Variants in IQCJ observed in about 807,000 individuals in gnomAD.
IQCJ encodes the protein IQ motif containing J.
IQCJ carries 9 observed loss-of-function variants against 11.0 expected under a neutral mutation model. That is an observed-to-expected ratio of 0.82 (90% CI 0.49 to 1.43). The LOEUF is 1.43. Ranked by LOEUF, IQCJ falls within the 40% of genes most tolerant of loss-of-function variation. The probability of loss-of-function intolerance (pLI) is 0.00; values close to 1 mark genes in which losing one functional copy is unlikely to be tolerated. For missense variants in IQCJ, 146 were observed against 133.2 expected (o/e 1.10, Z -0.47); for synonymous variants, 55 against 51.3 (o/e 1.07, Z -0.31).
At chr3:159,213,977 C>T (rs1725086485) in intron 1 of IQCJ, among the ~76,000 whole-genome samples, 1 of 152,098 alleles carries the variant, frequency 6.6e-6, no homozygotes, top group Non-Finnish European at 1.5e-5. Flanking sequence ...TGTTCATGTT[C>T]CTCAAAGTTT....
rs1021324425 is a variant in IQCJ, at chr3:159,118,481, C to T, written c.9+49040C>T. ...ACTTTTATAAACATCTTACATGTAT[C>T]GGCTCATAAAATCTCCAAAAACCTA... On this transcript the variant is annotated intron_variant, in intron 1 of 3. Transcript: ENST00000397832. 2.6e-5 allele frequency among the ~76,000 whole-genome samples: 4 copies of T among 152,176 alleles called. No homozygotes were observed. The East Asian group carries it at 5.8e-4, about 22-fold the overall frequency.
intron 1 of IQCJ, among the ~76,000 whole-genome samples, chr3:159,238,913 G>A (rs1726748915): frequency 6.6e-6 from 1 of 152,162 alleles, no homozygotes; most frequent in Admixed American, 6.5e-5. Flanking sequence ...TGGCTGAGGA[G>A]TTTGGAATCT....
chr3:159,191,229 C>T (rs1394803681), intron 1 of IQCJ, among the ~76,000 whole-genome samples: 1 of 152,134 alleles, frequency 6.6e-6, no homozygotes, highest in African/African-American at 2.4e-5. Context: ...GGCTTCCCAG[C>T]ACCTTCTCTA....
chr3:159,087,492 G>C (rs1263001347), intron 1 of IQCJ, among the ~76,000 whole-genome samples: 3 of 151,866 alleles, frequency 2.0e-5, no homozygotes, highest in Non-Finnish European at 4.4e-5. Context: ...CAGAAGGAAT[G>C]GTACCAAGTC....
chr3:159,224,180 T>A (rs1010239210), intron 1 of IQCJ, among the ~76,000 whole-genome samples: 1 of 152,180 alleles, frequency 6.6e-6, no homozygotes. Context: ...TAGCTGAGGC[T>A]GCGAGGGTTG....
At chr3:159,241,068 C>A (rs999065544) in intron 1 of IQCJ, among the ~76,000 whole-genome samples, 5 of 151,956 alleles carry the variant, frequency 3.3e-5, no homozygotes, top group Non-Finnish European at 5.9e-5. Flanking sequence ...GTATAAAAAA[C>A]AACAACAAAA....
intron 1 of IQCJ, among the ~76,000 whole-genome samples, chr3:159,071,018 T>G (rs934559999): frequency 2.0e-5 from 3 of 152,020 alleles, no homozygotes; most frequent in African/African-American, 7.2e-5. Context: ...AATAGTTGAC[T>G]GAGTTGTAAC....
rs114977564 is a variant in IQCJ at position 159,222,050 on chromosome 3, A to C, written c.10-23793A>C. Among the ~76,000 whole-genome samples the C allele has an allele frequency of 4.0e-3, 611 of 152,298 alleles. 2 individuals are homozygous for C. Among genetic ancestry groups the C allele is most frequent in the Middle Eastern group, 0.024 (7 of 294 alleles). The stretch of plus-strand genomic sequence containing the variant: ...AATCCCTATAGAAAAAGTCAAAGCA[A>C]GGGAACCATATACTAAAATTGTAAT... On this transcript the variant is annotated intron_variant, in intron 1 of 3. Transcript: ENST00000397832.
At chr3:159,080,077 C>A (rs1716207400) in intron 1 of IQCJ, among the ~76,000 whole-genome samples, 1 of 152,062 alleles carries the variant, frequency 6.6e-6, no homozygotes, top group Admixed American at 6.6e-5. Flanking sequence ...TATTGCTGCA[C>A]CAGAAATAAA....
At chr3:159,231,977 G>A (rs1347015732) in intron 1 of IQCJ, among the ~76,000 whole-genome samples, 2 of 152,012 alleles carry the variant, frequency 1.3e-5, no homozygotes, top group East Asian at 1.9e-4. Flanking sequence ...AGTGGTGATA[G>A]CCCCTTAATC....
At chr3:159,135,937 C>T (rs981338730) in intron 1 of IQCJ, among the ~76,000 whole-genome samples, 1 of 152,184 alleles carries the variant, frequency 6.6e-6, no homozygotes, top group Non-Finnish European at 1.5e-5. Context: ...AGCTACTACT[C>T]TAAGTGCTTT....
intron 1 of IQCJ, among the ~76,000 whole-genome samples, chr3:159,215,950 ACTT>A (rs1172627846): frequency 6.6e-6 from 1 of 152,044 alleles, no homozygotes; most frequent in African/African-American, 2.4e-5. Context: ...GCCTAGAACT[ACTT>A]ACATTATATT....
intron 1 of IQCJ, among the ~76,000 whole-genome samples, chr3:159,186,280 T>C (rs1241789921): frequency 1.3e-5 from 2 of 152,138 alleles, no homozygotes; most frequent in African/African-American, 4.8e-5. Context: ...TTAAGACTAG[T>C]GAATGAATAA....
intron 1 of IQCJ, among the ~76,000 whole-genome samples, chr3:159,076,991 A>G (rs1170100011): frequency 6.6e-6 from 1 of 152,124 alleles, no homozygotes; most frequent in Non-Finnish European, 1.5e-5. Flanking sequence ...CATGCAATAG[A>G]CACTCCATGA....
chr3:159,116,644 A>G (rs1310187046), intron 1 of IQCJ, among the ~76,000 whole-genome samples: 4 of 36,752 alleles, frequency 1.1e-4, no homozygotes, highest in South Asian at 1.1e-3. Context: ...ATATATATAT[A>G]TATATATATA....
chr3:159,256,083 T>A (rs1193673170), intron 3 of IQCJ, among the ~76,000 whole-genome samples: 3 of 152,184 alleles, frequency 2.0e-5, no homozygotes, highest in Non-Finnish European at 4.4e-5. Flanking sequence ...AATTCACTCT[T>A]TTCATGTTGT....
At chr3:159,250,922 C>G (rs1372432920) in intron 2 of IQCJ, among the ~76,000 whole-genome samples, 1 of 152,210 alleles carries the variant, frequency 6.6e-6, no homozygotes, top group Non-Finnish European at 1.5e-5. Flanking sequence ...GATTGTGGGA[C>G]CACAGGAACA....
At chr3:159,095,430 T>C (rs1294761374) in intron 1 of IQCJ, among the ~76,000 whole-genome samples, 2 of 147,196 alleles carry the variant, frequency 1.4e-5, no homozygotes, top group African/African-American at 5.1e-5. Context: ...TAGTTACATA[T>C]GTATACATGT....
chr3:159,159,507 A>T (rs1721715013), intron 1 of IQCJ, among the ~76,000 whole-genome samples: 1 of 152,222 alleles, frequency 6.6e-6, no homozygotes, highest in Non-Finnish European at 1.5e-5. Context: ...TTATGTGTTG[A>T]TAAATAAGCA....
Sources: allele counts gnomAD v4.1 joint callset (sites outside exome capture counted in the v4.1 genomes callset), GRCh38; gene constraint gnomAD v4.1.1; transcripts MANE v1.5; gene names NCBI Gene and HGNC (gene_info 2026-07-23, HGNC 2026-07-21).